Variants in SHTN1 observed in about 807,000 individuals in gnomAD.
SHTN1 encodes the protein shootin 1.
SHTN1 carries 42 observed loss-of-function variants against 83.1 expected under a neutral mutation model. The ratio of observed to expected loss-of-function variants is 0.51; its 90% CI spans 0.39 to 0.65. The LOEUF (loss-of-function observed/expected upper bound fraction) is 0.65, where lower values mean the gene tolerates loss of function less well. Among genes scored for constraint, SHTN1 ranks in the 30% least tolerant of loss-of-function variants. SHTN1 has a pLI of 0.00. For missense variants in SHTN1, 622 were observed against 737.8 expected (o/e 0.84, Z 1.82); for synonymous variants, 224 against 247.7 (o/e 0.90, Z 0.90).
chr10:117,023,641 T>G (rs2133566220), intron 2 of SHTN1: 1 of 152,758 alleles, frequency 6.5e-6, no homozygotes, highest in East Asian at 1.9e-4. Context: ...CCTATGCCAC[T>G]GTAAAAAGAT....
intron 1 of SHTN1, among the ~76,000 whole-genome samples, chr10:117,066,741 T>C (rs568388140): frequency 2.6e-5 from 4 of 152,318 alleles, no homozygotes; most frequent in African/African-American, 9.6e-5. Context: ...AACAGTGGTA[T>C]ACTAGAAAGA....
At chr10:117,008,835 C>T (rs139105126), upstream of SHTN1, among the ~76,000 whole-genome samples, 845 of 152,308 alleles carry the variant, frequency 5.5e-3, 12 homozygotes, top group Non-Finnish European at 7.8e-3. Context: ...TAGAATTGGC[C>T]GGGCGCTGTG....
intron 9 of SHTN1, among the ~76,000 whole-genome samples, chr10:116,939,606 C>T (rs1013418229): frequency 6.6e-6 from 1 of 152,160 alleles, no homozygotes; most frequent in African/African-American, 2.4e-5. Context: ...CGTATTCGGC[C>T]ATCTTACCAG....
intron 1 of SHTN1, among the ~76,000 whole-genome samples, chr10:117,093,356 C>T (rs753077323): frequency 2.0e-5 from 3 of 152,016 alleles, no homozygotes; most frequent in Non-Finnish European, 4.4e-5. Context: ...CTCACACCAA[C>T]CCTGCAAGGC....
intron 10 of SHTN1, 65 bp from the exon 11 acceptor site, chr10:116,927,956 G>A: frequency 6.5e-7 from 1 of 1,540,706 alleles, no homozygotes; most frequent in Middle Eastern, 1.9e-4. Flanking sequence ...TTATACATGT[G>A]AAAAAAAGAA....
chr10:117,014,682 AAATT>A (rs879437508), intron 2 of SHTN1, among the ~76,000 whole-genome samples: 3 of 152,210 alleles, frequency 2.0e-5, no homozygotes, highest in Non-Finnish European at 4.4e-5. Context: ...GTGTTCTTAA[AAATT>A]ATTATGCTGT....
chr10:117,122,823 C>T (rs1194898307), intron 1 of SHTN1, among the ~76,000 whole-genome samples: 2 of 152,170 alleles, frequency 1.3e-5, no homozygotes, highest in African/African-American at 4.8e-5. Context: ...TACTATTAAA[C>T]TTAAGAAAAA....
chr10:117,093,508 T>C (rs1853463146), intron 1 of SHTN1, among the ~76,000 whole-genome samples: 1 of 152,134 alleles, frequency 6.6e-6, no homozygotes, highest in South Asian at 2.1e-4. Context: ...GAGAAAGATC[T>C]TGTCTCAAAA....
At chr10:117,039,444 C>T (rs1044466786) in intron 2 of SHTN1, among the ~76,000 whole-genome samples, 1 of 152,136 alleles carries the variant, frequency 6.6e-6, no homozygotes, top group African/African-American at 2.4e-5. Flanking sequence ...ATAGGCTCTA[C>T]AACATCTATA....
chr10:116,924,744 C>CTT (rs1564879304), intron 11 of SHTN1, among the ~76,000 whole-genome samples: 2 of 133,666 alleles, frequency 1.5e-5, no homozygotes, highest in African/African-American at 5.9e-5. Context: ...GAATTTTCAC[C>CTT]TATTTTTTTT....
intron 9 of SHTN1, 63 bp downstream of exon 9, chr10:116,940,403 A>G: frequency 6.7e-7 from 1 of 1,481,568 alleles, no homozygotes; most frequent in South Asian, 1.4e-5. Flanking sequence ...CCTTCATCTT[A>G]AATATATGTG....
intron 2 of SHTN1, among the ~76,000 whole-genome samples, chr10:117,045,462 A>G (rs1852647351): frequency 6.6e-6 from 1 of 152,186 alleles, no homozygotes; most frequent in Non-Finnish European, 1.5e-5. Context: ...TACATTATTC[A>G]GGGACCTACT....
At position 116,884,959 on chromosome 10, in the gene SHTN1, A is replaced by G. The variant is rs1847119296; in HGVS notation, c.*1385T>C. The G allele has an allele frequency of 6.6e-6, 1 of 152,296 alleles. No individual in the cohort carries two copies. The highest frequency in any genetic ancestry group is 2.4e-5 in the African/African-American group (1 of 41,472). 9.4% of individuals were successfully genotyped at this position (152,296 alleles called of 1,614,324 possible). ...TACAGTTGAAAAACATTACGTTTTA[A>G]TTCTCCATGAGTAAAGTGATAAGTA... is the stretch of plus-strand genomic sequence containing the variant. On this transcript the variant is annotated 3_prime_UTR_variant, in exon 17 of 17. Transcript: ENST00000355371.
intron 2 of SHTN1, among the ~76,000 whole-genome samples, chr10:117,025,505 G>A (rs1419547583): frequency 6.6e-6 from 1 of 152,124 alleles, no homozygotes; most frequent in Non-Finnish European, 1.5e-5. Flanking sequence ...TCCTAGTGCT[G>A]AACTGGGCCC....
chr10:117,085,064 A>T (rs1020201634), intron 1 of SHTN1, among the ~76,000 whole-genome samples: 2 of 152,040 alleles, frequency 1.3e-5, no homozygotes, highest in Non-Finnish European at 2.9e-5. Flanking sequence ...CTCCTCCCCC[A>T]GGGTTTGTGA....
chr10:116,890,882 A>G (rs552029167), intron 16 of SHTN1, among the ~76,000 whole-genome samples: 1 of 152,394 alleles, frequency 6.6e-6, no homozygotes, highest in Admixed American at 6.5e-5. Context: ...GTTACAAGAG[A>G]TGAAAATGCA....
rs183268004 is a variant in SHTN1, at chr10:116,973,668, T to C, written c.112-4956A>G. On this transcript the variant is annotated intron_variant, in intron 2 of 16. Transcript: ENST00000355371. Reference sequence around the variant, plus strand: ...ACACCCGATATAATGTGAGAAATACTGCCAAACCAGAACTGAACAAAACAT... The same window carrying C: ...ACACCCGATATAATGTGAGAAATACCGCCAAACCAGAACTGAACAAAACAT... Among the ~76,000 whole-genome samples the C allele has an allele frequency of 3.3e-5, 5 of 152,324 alleles. No homozygotes were observed. The East Asian group carries it at 9.6e-4, about 29-fold the overall frequency.
chr10:116,944,225 T>G (rs1849491996), intron 8 of SHTN1, among the ~76,000 whole-genome samples: 1 of 152,214 alleles, frequency 6.6e-6, no homozygotes, highest in African/African-American at 2.4e-5. Flanking sequence ...TGTACCCAAG[T>G]TGGACTTTCC....
At chr10:116,943,019 T>A (rs535073179) in intron 8 of SHTN1, among the ~76,000 whole-genome samples, 13 of 152,224 alleles carry the variant, frequency 8.5e-5, no homozygotes, top group Admixed American at 4.6e-4. Flanking sequence ...TGCTATTTTT[T>A]AAAAAAAAGT....
Sources: allele counts gnomAD v4.1 joint callset (sites outside exome capture counted in the v4.1 genomes callset), GRCh38; gene constraint gnomAD v4.1.1; transcripts MANE v1.5; gene names NCBI Gene and HGNC (gene_info 2026-07-23, HGNC 2026-07-21).